SLC6A13: variants seen among roughly 807,000 people sequenced by gnomAD.
SLC6A13 encodes the protein solute carrier family 6 member 13.
SLC6A13 carries 69 observed loss-of-function variants against 72.9 expected under a neutral mutation model. That is an observed-to-expected ratio of 0.95 (90% CI 0.78 to 1.16). The LOEUF (loss-of-function observed/expected upper bound fraction) is 1.16, where lower values mean the gene tolerates loss of function less well. Among genes scored for constraint, SLC6A13 ranks in the 50% most tolerant of loss-of-function variants. The probability of loss-of-function intolerance (pLI) is 0.00; values close to 1 mark genes in which losing one functional copy is unlikely to be tolerated. For synonymous variants in SLC6A13, 303 were observed against 303.0 expected, an observed-to-expected ratio of 1.00 and a Z score of 0.00; for missense variants, 735 against 760.5, an observed-to-expected ratio of 0.97 and a Z score of 0.39.
Position 220,649 on chromosome 12 carries a change from A to G in SLC6A13, c.*299T>C. On this transcript the variant is annotated 3_prime_UTR_variant, in exon 15 of 15. Transcript: ENST00000343164. Reference sequence around the variant, plus strand: ...AGCGGGAAGAATGTGGATTTAATGGAATGAAGGATGAGAGGGCCCGAAGCC... The same window carrying G: ...AGCGGGAAGAATGTGGATTTAATGGGATGAAGGATGAGAGGGCCCGAAGCC... 1 of 361,450 alleles carries G rather than the reference A, an allele frequency of 2.8e-6. No individual in the cohort carries two copies. Among genetic ancestry groups the G allele is most frequent in the Non-Finnish European group, 5.2e-6 (1 of 193,124 alleles). 22.4% of individuals were successfully genotyped at this position (361,450 alleles called of 1,614,324 possible).
At chr12:231,916 G>A (rs1004277328) in intron 7 of SLC6A13, among the ~76,000 whole-genome samples, 3 of 152,154 alleles carry the variant, frequency 2.0e-5, no homozygotes, top group African/African-American at 7.2e-5. Flanking sequence ...GAGTGGCCAG[G>A]GACCTCGTCT....
At chr12:229,556 T>C (rs1414937675) in intron 7 of SLC6A13, among the ~76,000 whole-genome samples, 1 of 152,178 alleles carries the variant, frequency 6.6e-6, no homozygotes, top group African/African-American at 2.4e-5. Context: ...ATAGAGAAAG[T>C]GCTTCCCCAG....
chr12:252,735 GA>G (rs1345310352), intron 2 of SLC6A13, among the ~76,000 whole-genome samples: 3 of 152,258 alleles, frequency 2.0e-5, no homozygotes, highest in Non-Finnish European at 4.4e-5. Context: ...GCCCAGTCCA[GA>G]AAGAAACAGC....
chr12:251,614 T>C (rs1942550849), intron 2 of SLC6A13, among the ~76,000 whole-genome samples: 1 of 152,064 alleles, frequency 6.6e-6, no homozygotes, highest in South Asian at 2.1e-4. Context: ...AAACCAGACA[T>C]CATAAAAATT....
intron 2 of SLC6A13, among the ~76,000 whole-genome samples, chr12:255,201 G>A (rs773539693): frequency 5.3e-5 from 8 of 152,124 alleles, no homozygotes; most frequent in Non-Finnish European, 1.2e-4. Context: ...TGAGCTACTC[G>A]CTCTGCCAGC....
At chr12:222,792 G>T (rs1344660259) in intron 12 of SLC6A13, among the ~76,000 whole-genome samples, 160 bp from the exon 13 acceptor site, 2 of 152,130 alleles carry the variant, frequency 1.3e-5, no homozygotes, top group African/African-American at 4.8e-5. Flanking sequence ...CTCTTCCCTG[G>T]CATTCATAGG....
chr12:255,162 G>A (rs74707014), intron 2 of SLC6A13, among the ~76,000 whole-genome samples: 8 of 152,268 alleles, frequency 5.3e-5, no homozygotes, highest in Admixed American at 2.0e-4. Flanking sequence ...ATCTCATCGC[G>A]GGGGCTCTAG....
Position 221,547 on chromosome 12 carries a change from C to A in SLC6A13, c.1516-1G>T. 2.6e-6 allele frequency: 4 copies of A among 1,558,558 alleles called. No homozygotes were observed. Among genetic ancestry groups the A allele is most frequent in the South Asian group, 1.2e-5 (1 of 84,574 alleles). ...TTATCAGGGAGAAGAGAAAGGTGGC[C>A]TGAGGGGGAGAGCAGAAGAGAAAGG... On this transcript the variant is annotated splice_acceptor_variant, in intron 13 of 14. Transcript: ENST00000343164. LOFTEE classifies it high-confidence loss of function.
intron 9 of SLC6A13, among the ~76,000 whole-genome samples, chr12:225,086 C>T (rs1157030236): frequency 6.6e-6 from 1 of 152,248 alleles, no homozygotes; most frequent in Non-Finnish European, 1.5e-5. Flanking sequence ...TTCAGAATGC[C>T]GCTGACACAC....
intron 2 of SLC6A13, among the ~76,000 whole-genome samples, chr12:246,490 A>C (rs1942355614): frequency 6.6e-6 from 1 of 152,220 alleles, no homozygotes; most frequent in Non-Finnish European, 1.5e-5. Context: ...TTAGCAGATG[A>C]GAATATTTAA....
chr12:256,911 T>G (rs1942765593), intron 2 of SLC6A13, among the ~76,000 whole-genome samples: 2 of 152,086 alleles, frequency 1.3e-5, no homozygotes, highest in African/African-American at 4.8e-5. Context: ...ACTCTTCCCA[T>G]GCCCAGGAGC....
In SLC6A13 at chr12:234,755, T is replaced by C. The variant is rs181935878; in HGVS notation, c.831+335A>G. 1.8e-4 allele frequency among the ~76,000 whole-genome samples: 27 copies of C among 152,300 alleles called. 1 individual carries two copies. The East Asian group carries it at 2.9e-3, about 16-fold the overall frequency. ...CTGGTCTCGAATTCCTGACATCAAA[T>C]GATCCACCCACTTCGGCCTCCCAAA... On this transcript the variant is annotated intron_variant, in intron 7 of 14. Coordinates refer to ENST00000343164, the MANE Select transcript of SLC6A13 (RefSeq NM_016615.5).
intron 2 of SLC6A13, among the ~76,000 whole-genome samples, chr12:255,284 T>G: frequency 6.6e-6 from 1 of 152,102 alleles, no homozygotes; most frequent in East Asian, 1.9e-4. Context: ...TCAAGAGCTA[T>G]GAGAGGTGGA....
intron 2 of SLC6A13, among the ~76,000 whole-genome samples, chr12:258,299 C>G (rs1182733624): frequency 6.6e-6 from 1 of 152,186 alleles, no homozygotes; most frequent in African/African-American, 2.4e-5. Flanking sequence ...GGGAACCAGA[C>G]TCCATGGGCC....
At position 235,279 on chromosome 12, in the gene SLC6A13, C is replaced by A. The variant is rs902775400; in HGVS notation, c.697-55G>T. 2.5e-6 allele frequency: 4 copies of A among 1,598,230 alleles called. No individual in the cohort carries two copies. The African/African-American group carries it at 5.4e-5, about 21-fold the overall frequency. ...CTTGTGAGTGAGGAAGCAGCAGGGG[C>A]AGGAGGCAGGGGCAGGAGGCAGGGG... is the stretch of plus-strand genomic sequence containing the variant. On this transcript the variant is annotated intron_variant, in intron 6 of 14. Transcript: ENST00000343164.
intron 1 of SLC6A13, among the ~76,000 whole-genome samples, chr12:261,599 G>A (rs568401870): frequency 3.0e-4 from 46 of 152,350 alleles, no homozygotes; most frequent in Non-Finnish European, 6.3e-4. Flanking sequence ...TCTGGCCACA[G>A]ACTCTACTTT....
chr12:221,621 G>A (rs758616941), intron 13 of SLC6A13, 75 bp from the exon 14 acceptor site: 37 of 997,812 alleles, frequency 3.7e-5, no homozygotes, highest in Non-Finnish European at 5.1e-5. Context: ...CTCCCCAGCA[G>A]CCTGGCAGAA....
At chr12:247,611 A>G (rs1942399029) in intron 2 of SLC6A13, among the ~76,000 whole-genome samples, 1 of 152,242 alleles carries the variant, frequency 6.6e-6, no homozygotes, top group Non-Finnish European at 1.5e-5. Context: ...TCCTTCAGGG[A>G]GAATGAAATG....
intron 7 of SLC6A13, among the ~76,000 whole-genome samples, chr12:231,630 T>C (rs1298361267): frequency 6.6e-6 from 1 of 152,164 alleles, no homozygotes; most frequent in Non-Finnish European, 1.5e-5. Context: ...GGAACACAGA[T>C]GCTCCCTGCA....
Sources: allele counts gnomAD v4.1 joint callset (sites outside exome capture counted in the v4.1 genomes callset), GRCh38; gene constraint gnomAD v4.1.1; transcripts MANE v1.5; gene names NCBI Gene and HGNC (gene_info 2026-07-23, HGNC 2026-07-21).